The following MGAT4C variants were observed in gnomAD, a reference collection of about 807,000 sequenced individuals.
The protein encoded by MGAT4C is MGAT4 family member C, also known as alpha-1,3-mannosyl-glycoprotein 4-beta-N-acetylglucosaminyltransferase C.
MGAT4C carries 19 observed loss-of-function variants against 40.1 expected under a neutral mutation model. The observed-to-expected ratio is 0.47, with a 90% CI of 0.33 to 0.70. The LOEUF is 0.70. Ranked by LOEUF, MGAT4C falls within the 30% of genes least tolerant of loss-of-function variation. The pLI is 0.02. For synonymous variants in MGAT4C, 181 were observed against 187.1 expected (o/e 0.97, Z 0.27); for missense variants, 491 against 563.2 (o/e 0.87, Z 1.30).
chr12:86,333,106 C>G lies in MGAT4C; in HGVS notation c.-57+959G>C, dbSNP rs532858206. Among the ~76,000 whole-genome samples, 7 of 152,204 alleles carry G rather than the reference C, an allele frequency of 4.6e-5. No homozygotes were observed. In the East Asian group the frequency reaches 9.7e-4, roughly 21 times the overall value. ...GTAGTATGTATGAATGACAGAACCT[C>G]CTGATAAATTAATGACAGGTACATC... On this transcript the variant is annotated intron_variant, in intron 4 of 7. Coordinates refer to the MGAT4C transcript ENST00000548651.
At position 86,611,456 on chromosome 12, in the gene MGAT4C, T is replaced by TGATAGACA. The variant is rs1962271180; in HGVS notation, c.-229+115752_-229+115753insTGTCTATC. Among the ~76,000 whole-genome samples the TGATAGACA allele has an allele frequency of 3.5e-5, 5 of 143,662 alleles. No individual in the cohort carries two copies. The South Asian group carries it at 1.1e-3, about 33-fold the overall frequency. 94.2% of individuals were successfully genotyped at this position (143,662 alleles called of 152,430 possible). ...GATGACAGATAGATAGATAGATAGATGATAGATAGATAGATAGATAGATAG... is the reference window on the plus strand; with the variant it reads ...GATGACAGATAGATAGATAGATAGATGATAGACAGATAGATAGATAGATAGATAGATAG... On this transcript the variant is annotated intron_variant, in intron 2 of 7. Transcript: ENST00000548651.
intron 2 of MGAT4C, among the ~76,000 whole-genome samples, chr12:86,000,676 A>G (rs1001764879): frequency 6.6e-6 from 1 of 152,214 alleles, no homozygotes; most frequent in Non-Finnish European, 1.5e-5. Context: ...CTAATAAAGC[A>G]TTTTTATTAA....
At chr12:86,061,917 A>G (rs938228496) in intron 1 of MGAT4C, among the ~76,000 whole-genome samples, 1 of 152,124 alleles carries the variant, frequency 6.6e-6, no homozygotes, top group Non-Finnish European at 1.5e-5. Context: ...GGGACAGAGC[A>G]CCTTGGGGAA....
rs1375839732 is a variant in MGAT4C, at chr12:86,033,731, C to T, written c.-7+15943G>A. 2.0e-5 allele frequency among the ~76,000 whole-genome samples: 3 copies of T among 149,328 alleles called. No individual in the cohort carries two copies. In the East Asian group the frequency reaches 5.8e-4, roughly 29 times the overall value. Reference sequence around the variant, plus strand: ...CGTTTGACTTCCTCTCTTTCAATTACTATGCCTTTATTTCTTTCTTTTGCC... The same window carrying T: ...CGTTTGACTTCCTCTCTTTCAATTATTATGCCTTTATTTCTTTCTTTTGCC... On this transcript the variant is annotated intron_variant, in intron 2 of 4. Transcript: ENST00000611864.
intron 1 of MGAT4C, among the ~76,000 whole-genome samples, chr12:86,247,645 G>A (rs1275880415): frequency 6.6e-6 from 1 of 152,164 alleles, no homozygotes. Context: ...TAAATTTGAA[G>A]TAAACATGTG....
Position 86,534,924 on chromosome 12 carries a change from G to T in MGAT4C, c.-228-99659C>A, listed in dbSNP as rs150672996. Reference sequence around the variant, plus strand: ...CTGAAATACACCTATTCAAATAATGGTTCCAATCCAACTGATTCCCTTTCT... The same window carrying T: ...CTGAAATACACCTATTCAAATAATGTTTCCAATCCAACTGATTCCCTTTCT... On this transcript the variant is annotated intron_variant, in intron 2 of 7. Transcript: ENST00000548651. Among the ~76,000 whole-genome samples, 298 of 152,118 alleles carry T rather than the reference G, an allele frequency of 2.0e-3. 10 individuals are homozygous for T. In the East Asian group the frequency reaches 0.049, roughly 25 times the overall value.
intron 1 of MGAT4C, among the ~76,000 whole-genome samples, chr12:86,071,693 A>G (rs553056204): frequency 1.3e-5 from 2 of 152,260 alleles, no homozygotes; most frequent in African/African-American, 4.8e-5. Flanking sequence ...TCATCTAATC[A>G]TCTCAACAAT....
At chr12:86,517,176 T>G (rs1958705996) in intron 2 of MGAT4C, among the ~76,000 whole-genome samples, 1 of 152,176 alleles carries the variant, frequency 6.6e-6, no homozygotes, top group South Asian at 2.1e-4. Flanking sequence ...ATGTTTTTGA[T>G]GTTGATGAAA....
chr12:86,125,980 T>C (rs839176), intron 1 of MGAT4C, among the ~76,000 whole-genome samples: 87,324 of 151,426 alleles, frequency 0.58, 25,440 homozygotes, highest in South Asian at 0.72. Flanking sequence ...AAAATCAAGT[T>C]AAAAATCAGA....
Position 86,417,690 on chromosome 12 carries a change from C to A in MGAT4C, c.-120+17467G>T, listed in dbSNP as rs191870275. 2.6e-5 allele frequency among the ~76,000 whole-genome samples: 4 copies of A among 151,938 alleles called. No individual in the cohort carries two copies. The East Asian group carries it at 7.7e-4, about 29-fold the overall frequency. ...TCTTTGAATGAGATATATTTATAGG[C>A]AGTATTTGCAATATGAAATTTTATT... On this transcript the variant is annotated intron_variant, in intron 3 of 7. Coordinates refer to the MGAT4C transcript ENST00000548651.
intron 2 of MGAT4C, among the ~76,000 whole-genome samples, chr12:86,043,151 G>A (rs918404804): frequency 6.6e-6 from 1 of 152,060 alleles, no homozygotes; most frequent in African/African-American, 2.4e-5. Context: ...ATTTTCATGG[G>A]TGATACCATC....
At chr12:86,502,710 C>T (rs1034921628) in intron 2 of MGAT4C, among the ~76,000 whole-genome samples, 1 of 144,866 alleles carries the variant, frequency 6.9e-6, no homozygotes, top group African/African-American at 2.5e-5. Context: ...GAGATCTGCT[C>T]ATATATATAT....
chr12:86,347,671 G>A (rs894110757), intron 3 of MGAT4C, among the ~76,000 whole-genome samples: 1 of 152,076 alleles, frequency 6.6e-6, no homozygotes, highest in African/African-American at 2.4e-5. Context: ...TCTGGTTCTG[G>A]TAGAAAAGCA....
chr12:86,024,675 T>C (rs1002816090), intron 2 of MGAT4C, among the ~76,000 whole-genome samples: 10 of 151,800 alleles, frequency 6.6e-5, no homozygotes, highest in Admixed American at 1.3e-4. Context: ...AAAGATGTCA[T>C]TGGCGATAAT....
intron 1 of MGAT4C, among the ~76,000 whole-genome samples, chr12:86,090,716 C>CA (rs1193734545): frequency 6.6e-6 from 1 of 151,826 alleles, no homozygotes; most frequent in Non-Finnish European, 1.5e-5. Flanking sequence ...CTTGAAAACC[C>CA]AAAGCCACAG....
chr12:86,596,302 C>T (rs1202731659), intron 2 of MGAT4C, among the ~76,000 whole-genome samples: 1 of 152,188 alleles, frequency 6.6e-6, no homozygotes, highest in East Asian at 1.9e-4. Flanking sequence ...ACCAAAGCCT[C>T]ATCTTCAGAC....
chr12:85,956,487 A>G lies in MGAT4C; in HGVS notation c.*22802T>C, dbSNP rs1214401356. ...TAAAATTTATAGAACTGTTGGACCA[A>G]TTGAAAAACTTACTAAAATATGGTT... On this transcript the variant is annotated 3_prime_UTR_variant, in exon 5 of 5. Coordinates refer to ENST00000611864, the MANE Select transcript of MGAT4C (RefSeq NM_001351288.2). 5 of 152,230 alleles carry G rather than the reference A, an allele frequency of 3.3e-5. No homozygotes were observed. The highest frequency in any genetic ancestry group is 1.5e-5 in the Non-Finnish European group (1 of 68,024). 9.4% of individuals were successfully genotyped at this position (152,230 alleles called of 1,614,324 possible). A position where few individuals can be genotyped will look rare whatever the true frequency, so the allele number is the denominator to read the frequency against.
intron 1 of MGAT4C, among the ~76,000 whole-genome samples, chr12:86,213,031 T>C (rs74850475): frequency 0.045 from 6,911 of 152,020 alleles, 193 homozygotes; most frequent in African/African-American, 0.072. Context: ...TTTTGTAGAT[T>C]CAGCTTGCCA....
At position 86,429,746 on chromosome 12, in the gene MGAT4C, CTTG is replaced by C. The variant is rs1259863529; in HGVS notation, c.-120+5408_-120+5410del. 4.6e-5 allele frequency among the ~76,000 whole-genome samples: 7 copies of C among 152,148 alleles called. 1 individual carries two copies. In the East Asian group the frequency reaches 1.4e-3, roughly 29 times the overall value. ...TTTTTATTGTTTTGTTATTATATGACTTGTTGTGCTTCTCTTTGGGTTGAATTT... is the reference window on the plus strand; with the variant it reads ...TTTTTATTGTTTTGTTATTATATGACTTGTGCTTCTCTTTGGGTTGAATTT... On this transcript the variant is annotated intron_variant, in intron 3 of 7. Coordinates refer to the MGAT4C transcript ENST00000548651.
Sources: allele counts gnomAD v4.1 joint callset (sites outside exome capture counted in the v4.1 genomes callset), GRCh38; gene constraint gnomAD v4.1.1; transcripts MANE v1.5; gene names NCBI Gene and HGNC (gene_info 2026-07-23, HGNC 2026-07-21).